SDK2: variants seen among roughly 807,000 people sequenced by gnomAD.
SDK2 encodes the protein sidekick cell adhesion molecule 2.
A neutral mutation model predicts 253.9 loss-of-function variants in SDK2; 105 were observed. The observed-to-expected ratio is 0.41, with a 90% CI of 0.35 to 0.49. The LOEUF (loss-of-function observed/expected upper bound fraction) is 0.49, where lower values mean the gene tolerates loss of function less well. Among genes scored for constraint, SDK2 ranks in the 20% least tolerant of loss-of-function variants. The pLI is 0.06. For missense variants in SDK2, 2,608 were observed against 3,003.0 expected, an observed-to-expected ratio of 0.87 and a Z score of 3.07; for synonymous variants, 1,249 against 1,234.9, an observed-to-expected ratio of 1.01 and a Z score of -0.24.
intron 1 of SDK2, among the ~76,000 whole-genome samples, chr17:73,540,351 A>C (rs901227216): frequency 2.6e-5 from 4 of 152,170 alleles, no homozygotes; most frequent in East Asian, 1.9e-4. Flanking sequence ...CCCTGACTTT[A>C]TTCTCCAATA....
In SDK2 at chr17:73,447,512, TC is replaced by T; in HGVS notation, c.613+102del. 2 of 1,478,854 alleles carry T rather than the reference TC, an allele frequency of 1.4e-6. No individual in the cohort carries two copies. The highest frequency in any genetic ancestry group is 1.8e-6 in the Non-Finnish European group (2 of 1,092,524). 91.6% of individuals were successfully genotyped at this position (1,478,854 alleles called of 1,614,324 possible). On this transcript the variant is annotated intron_variant, in intron 5 of 44. Coordinates refer to ENST00000392650, the MANE Select transcript of SDK2 (RefSeq NM_001144952.2). The surrounding 1 kb of genome is among the most constrained non-coding windows in gnomAD (Gnocchi z 4.0). Reference sequence around the variant, plus strand: ...CCCCGGCCGTCCCCTAGCTTCCCTGTCCCCCTCCTCTGCCACTCCATCTTCC... The same window carrying T: ...CCCCGGCCGTCCCCTAGCTTCCCTGTCCCCTCCTCTGCCACTCCATCTTCC...
At position 73,481,293 on chromosome 17, in the gene SDK2, C is replaced by T. The variant is rs116902666; in HGVS notation, c.225-9075G>A. Among the ~76,000 whole-genome samples the T allele has an allele frequency of 6.8e-3, 1,033 of 152,230 alleles. 1 individual carries two copies. The highest frequency in any genetic ancestry group is 0.012 in the Admixed American group (176 of 15,294). ...GGACTTGGGCACAGTGTGTTCCCCC[C>T]ACCTTCTAGGGAACCTGAGGGTGGA... On this transcript the variant is annotated intron_variant, in intron 2 of 44. Transcript: ENST00000392650. This position sits in a 1 kb window ranked among gnomAD's most constrained non-coding sequence, Gnocchi z 4.5.
chr17:73,575,603 A>G (rs149899068), intron 1 of SDK2, among the ~76,000 whole-genome samples: 7 of 152,380 alleles, frequency 4.6e-5, no homozygotes, highest in African/African-American at 1.7e-4. Flanking sequence ...CAGTCATCAC[A>G]GTTATCTCAC....
chr17:73,595,313 G>A (rs2045741388), intron 1 of SDK2, among the ~76,000 whole-genome samples: 1 of 152,158 alleles, frequency 6.6e-6, no homozygotes, highest in South Asian at 2.1e-4. Context: ...GAGTCGGGGT[G>A]GCCACAGGTA....
intron 1 of SDK2, among the ~76,000 whole-genome samples, chr17:73,593,523 G>A (rs932988748): frequency 1.3e-5 from 2 of 152,150 alleles, no homozygotes; most frequent in African/African-American, 4.8e-5. Context: ...ACCAGGAGTG[G>A]CCCAGGACAA....
chr17:73,396,659 G>A (rs759377892), intron 24 of SDK2, among the ~76,000 whole-genome samples: 1 of 152,228 alleles, frequency 6.6e-6, no homozygotes, highest in African/African-American at 2.4e-5. Context: ...ACCATTAAGC[G>A]TGGGCCTGAG....
intron 1 of SDK2, among the ~76,000 whole-genome samples, chr17:73,638,066 G>A (rs894210054): frequency 3.9e-5 from 6 of 152,232 alleles, no homozygotes; most frequent in African/African-American, 9.6e-5. Flanking sequence ...TGCTCAGTGC[G>A]CTGAGGGCTA....
At chr17:73,525,557 G>C (rs368733106) in intron 1 of SDK2, among the ~76,000 whole-genome samples, 1 of 152,148 alleles carries the variant, frequency 6.6e-6, no homozygotes, top group Admixed American at 6.5e-5. Context: ...AATGGGAACC[G>C]GAGGCTCACT....
rs193098730 is a variant in SDK2 at position 73,592,271 on chromosome 17, C to T, written c.64+51754G>A. ...TTGGAAAGATCTAGGCCTCTCGGCC[C>T]CCATCATGCCGAAATTAGAGGCTGG... On this transcript the variant is annotated intron_variant, in intron 1 of 44. Transcript: ENST00000392650. Among the ~76,000 whole-genome samples the T allele has an allele frequency of 1.5e-3, 232 of 152,352 alleles. 2 individuals carry two copies. The highest frequency in any genetic ancestry group is 5.3e-3 in the African/African-American group (219 of 41,580).
intron 1 of SDK2, among the ~76,000 whole-genome samples, chr17:73,589,846 G>T (rs1198333135): frequency 6.6e-6 from 1 of 152,262 alleles, no homozygotes; most frequent in African/African-American, 2.4e-5. Context: ...CAGAGGTGCT[G>T]AGTGCCATTA....
chr17:73,483,678 TATATTTATA>T (rs2063748919), intron 2 of SDK2, among the ~76,000 whole-genome samples: 4 of 69,262 alleles, frequency 5.8e-5, no homozygotes, highest in Admixed American at 1.9e-4. Flanking sequence ...TATATATATA[TATATTTATA>T]TATATATATA....
chr17:73,604,299 C>T, intron 1 of SDK2, among the ~76,000 whole-genome samples: 1 of 152,202 alleles, frequency 6.6e-6, no homozygotes, highest in South Asian at 2.1e-4. Context: ...GAGAGGAACG[C>T]CCAGTCAGAG....
Position 73,601,963 on chromosome 17 carries a change from C to T in SDK2, c.64+42062G>A, listed in dbSNP as rs139237096. The stretch of plus-strand genomic sequence containing the variant: ...TTTGCCATGTTGGCCAGGCTGGTCT[C>T]GAACTCCTCACCTCAGGTGATCCGC... On this transcript the variant is annotated intron_variant, in intron 1 of 44. Coordinates refer to ENST00000392650, the MANE Select transcript of SDK2 (RefSeq NM_001144952.2). Among the ~76,000 whole-genome samples, 971 of 152,296 alleles carry T rather than the reference C, an allele frequency of 6.4e-3. 8 individuals are homozygous for T. Among genetic ancestry groups the T allele is most frequent in the African/African-American group, 0.022 (898 of 41,550 alleles).
intron 12 of SDK2, among the ~76,000 whole-genome samples, chr17:73,425,349 C>A (rs1368189898): frequency 6.6e-6 from 1 of 152,160 alleles, no homozygotes; most frequent in African/African-American, 2.4e-5. Context: ...TACTAGGGAA[C>A]CACGATTAAC....
chr17:73,352,664 T>C lies in SDK2; in HGVS notation c.5594-27A>G, dbSNP rs1221938219. The C allele has an allele frequency of 7.5e-6, 12 of 1,610,610 alleles. No homozygotes were observed. Among genetic ancestry groups the C allele is most frequent in the South Asian group, 1.1e-5 (1 of 90,966 alleles). On this transcript the variant is annotated intron_variant, in intron 40 of 44. Transcript: ENST00000392650. The surrounding 1 kb of genome is among the most constrained non-coding windows in gnomAD (Gnocchi z 4.1). ...TGCAGGAGCACAGAGATGGAGGCCC[T>C]GGGAGGTGAGGGGAAGCCCCAAATC...
At chr17:73,429,142 A>G (rs2063306737) in intron 12 of SDK2, among the ~76,000 whole-genome samples, 2 of 152,230 alleles carry the variant, frequency 1.3e-5, no homozygotes, top group South Asian at 4.1e-4. Flanking sequence ...TTTAAAGTAT[A>G]CTGAATTTCA....
chr17:73,567,411 C>T (rs1480610350), intron 1 of SDK2, among the ~76,000 whole-genome samples: 2 of 150,928 alleles, frequency 1.3e-5, no homozygotes, highest in East Asian at 3.8e-4. Flanking sequence ...GCGGAGCCCC[C>T]ACAGAAGGCC....
At chr17:73,469,161 T>G (rs2063626237) in intron 3 of SDK2, among the ~76,000 whole-genome samples, 1 of 152,156 alleles carries the variant, frequency 6.6e-6, no homozygotes, top group Non-Finnish European at 1.5e-5. Flanking sequence ...CCTGTCATGG[T>G]GATGAGCCCC....
chr17:73,358,463 C>T (rs941565025), intron 39 of SDK2, among the ~76,000 whole-genome samples: 2 of 152,190 alleles, frequency 1.3e-5, no homozygotes, highest in Non-Finnish European at 2.9e-5. Flanking sequence ...CCAGAAAGGT[C>T]CCTGGAGTAG....
Sources: gnomAD v4.1 joint callset for allele counts (sites outside exome capture counted in the v4.1 genomes callset) on GRCh38, gnomAD v4.1.1 for gene constraint, Gnocchi (gnomAD v3.1) non-coding constraint, MANE v1.5 for transcripts, NCBI Gene and HGNC (gene_info 2026-07-23, HGNC 2026-07-21) for gene names.